The following MTCL2 variants were observed in gnomAD, a reference collection of about 807,000 sequenced individuals.
The protein encoded by MTCL2 is microtubule crosslinking factor 2, also known as microtubule cross-linking factor 2.
the MTCL2 span, chr20:36,783,891 C>A: frequency 1.0e-6 from 1 of 985,372 alleles, no homozygotes; most frequent in Non-Finnish European, 1.2e-6. Context: ...TTACATGTAA[C>A]ATTTTCAACC....
the MTCL2 span, among the ~76,000 whole-genome samples, chr20:36,813,424 A>C: frequency 6.6e-6 from 1 of 150,824 alleles, no homozygotes; most frequent in Non-Finnish European, 1.5e-5. Flanking sequence ...TCCACTGTAT[A>C]GTTGTTAAAA....
the MTCL2 span, among the ~76,000 whole-genome samples, chr20:36,860,514 A>T: frequency 1.3e-5 from 2 of 152,166 alleles, no homozygotes; most frequent in East Asian, 3.9e-4. Flanking sequence ...GGGCCAGGAG[A>T]AAGAGCCCAG....
chr20:36,859,916 G>A, the MTCL2 span: 18 of 1,230,842 alleles, frequency 1.5e-5, no homozygotes, highest in East Asian at 3.2e-4. Flanking sequence ...GCAGCCTAGC[G>A]ACCCTGCTCT....
At chr20:36,838,943 T>C in the MTCL2 span, among the ~76,000 whole-genome samples, 6 of 150,598 alleles carry the variant, frequency 4.0e-5, no homozygotes, top group African/African-American at 1.5e-4. Flanking sequence ...CATTCCAGCC[T>C]GGGCAACAAG....
At chr20:36,832,459 T>A in the MTCL2 span, among the ~76,000 whole-genome samples, 2 of 152,216 alleles carry the variant, frequency 1.3e-5, no homozygotes, top group Non-Finnish European at 2.9e-5. Context: ...ATCCTCTCCA[T>A]GATTCCCCAG....
At chr20:36,799,310 G>A in the MTCL2 span, among the ~76,000 whole-genome samples, 6 of 152,198 alleles carry the variant, frequency 3.9e-5, no homozygotes, top group South Asian at 1.0e-3. Flanking sequence ...GACCAACATG[G>A]AGAAACCCTG....
At chr20:36,836,511 A>G in the MTCL2 span, among the ~76,000 whole-genome samples, 1 of 151,396 alleles carries the variant, frequency 6.6e-6, no homozygotes, top group Non-Finnish European at 1.5e-5. Context: ...CACCCGGCTC[A>G]TTTTGTATTT....
the MTCL2 span, among the ~76,000 whole-genome samples, chr20:36,853,706 T>TGG: frequency 3.1e-5 from 1 of 31,754 alleles, no homozygotes; most frequent in African/African-American, 1.4e-4. Context: ...GGGAGGGGTG[T>TGG]GTGTGTGTGT....
the MTCL2 span, chr20:36,859,626 T>C: frequency 2.4e-6 from 3 of 1,231,778 alleles, no homozygotes; most frequent in Non-Finnish European, 1.0e-6. Flanking sequence ...TTGCCCGATT[T>C]ATGCTTTCCT....
chr20:36,829,550 CTA>C, the MTCL2 span, among the ~76,000 whole-genome samples: 1 of 135,218 alleles, frequency 7.4e-6, no homozygotes, highest in Non-Finnish European at 1.5e-5. Flanking sequence ...CAGGGTCTCA[CTA>C]TGTCTCCCAG....
the MTCL2 span, chr20:36,783,817 C>A: frequency 2.0e-6 from 2 of 985,140 alleles, no homozygotes; most frequent in Admixed American, 6.1e-5. Flanking sequence ...ACCAATCCCC[C>A]CACCCCAAAA....
At chr20:36,853,971 A>C in the MTCL2 span, among the ~76,000 whole-genome samples, 2 of 152,138 alleles carry the variant, frequency 1.3e-5, no homozygotes, top group Admixed American at 1.3e-4. Flanking sequence ...AACATCCCCC[A>C]AACACCCTCT....
the MTCL2 span, among the ~76,000 whole-genome samples, chr20:36,833,285 T>C: frequency 6.6e-6 from 1 of 152,240 alleles, no homozygotes; most frequent in East Asian, 1.9e-4. Flanking sequence ...CCCACGTGTC[T>C]ATCCCATTTG....
chr20:36,833,789 G>A, the MTCL2 span, among the ~76,000 whole-genome samples: 11 of 152,176 alleles, frequency 7.2e-5, no homozygotes, highest in Non-Finnish European at 1.6e-4. Flanking sequence ...GGAGGTCAAG[G>A]CTGCAGTGAG....
At chr20:36,841,878 T>TGTGGGTGTGG in the MTCL2 span, among the ~76,000 whole-genome samples, 88 of 76,534 alleles carry the variant, frequency 1.1e-3, no homozygotes, top group Non-Finnish European at 2.0e-3. Flanking sequence ...GGGTGGGGTG[T>TGTGGGTGTGG]GTGTGTGTGT....
chr20:36,846,577 A>C, the MTCL2 span, among the ~76,000 whole-genome samples: 1 of 152,162 alleles, frequency 6.6e-6, no homozygotes, highest in African/African-American at 2.4e-5. Flanking sequence ...ACGGCTTTCT[A>C]TCTCTTCCAC....
the MTCL2 span, among the ~76,000 whole-genome samples, chr20:36,787,525 A>G: frequency 6.6e-6 from 1 of 152,014 alleles, no homozygotes; most frequent in Non-Finnish European, 1.5e-5. Context: ...GCCTGGCCCC[A>G]ATTCACTTTT....
the MTCL2 span, among the ~76,000 whole-genome samples, chr20:36,841,545 T>C: frequency 6.6e-6 from 1 of 151,882 alleles, no homozygotes; most frequent in Non-Finnish European, 1.5e-5. Flanking sequence ...GGGAACAGTG[T>C]GTGCCAAGGC....
chr20:36,852,983 G>A, the MTCL2 span, among the ~76,000 whole-genome samples: 2 of 151,884 alleles, frequency 1.3e-5, no homozygotes, highest in Non-Finnish European at 2.9e-5. Flanking sequence ...CTTGAACCCA[G>A]GAGACGGAGG....
Sources: gnomAD v4.1 joint callset for allele counts (sites outside exome capture counted in the v4.1 genomes callset) on GRCh38, gnomAD v4.1.1 for gene constraint, MANE v1.5 for transcripts, NCBI Gene and HGNC (gene_info 2026-07-23, HGNC 2026-07-21) for gene names.